Variants in LRP1B observed in about 807,000 individuals in gnomAD.
LRP1B encodes low-density lipoprotein receptor-related protein 1B.
In LRP1B, 217 loss-of-function variants were observed where a neutral mutation model predicts 556.6. That is an observed-to-expected ratio of 0.39 (90% confidence interval 0.35 to 0.44). The LOEUF is 0.44. Ranked by LOEUF, LRP1B falls within the 20% of genes least tolerant of loss-of-function variation. The pLI is 1.00. For synonymous variants in LRP1B, 2,047 were observed against 1,865.8 expected (o/e 1.10, Z -2.50); for missense variants, 5,053 against 5,620.8 (o/e 0.90, Z 3.23).
chr2:140,867,103 G>C (rs887601593), intron 27 of LRP1B, among the ~76,000 whole-genome samples: 2 of 152,028 alleles, frequency 1.3e-5, no homozygotes, highest in Non-Finnish European at 2.9e-5. Context: ...AATTAGGATA[G>C]GAACACTTGG....
intron 3 of LRP1B, among the ~76,000 whole-genome samples, chr2:141,309,597 A>G (rs1686732894): frequency 6.6e-6 from 1 of 152,188 alleles, no homozygotes; most frequent in African/African-American, 2.4e-5. Flanking sequence ...GACCTTAACT[A>G]TGAAAGATGA....
At chr2:141,431,678 A>G (rs1680567250) in intron 3 of LRP1B, among the ~76,000 whole-genome samples, 1 of 152,184 alleles carries the variant, frequency 6.6e-6, no homozygotes, top group South Asian at 2.1e-4. Flanking sequence ...TTTTTAGGAT[A>G]TATGTTTCTC....
intron 1 of LRP1B, among the ~76,000 whole-genome samples, chr2:142,065,631 G>A (rs573617216): frequency 6.6e-6 from 1 of 151,386 alleles, no homozygotes; most frequent in South Asian, 2.1e-4. Flanking sequence ...AATATTTAAA[G>A]TTTCCAAGAA....
At chr2:140,273,010 C>G (rs577595978) in intron 85 of LRP1B, among the ~76,000 whole-genome samples, 1 of 151,976 alleles carries the variant, frequency 6.6e-6, no homozygotes, top group Admixed American at 6.6e-5. Flanking sequence ...GTATAGCAAG[C>G]GATACTGAGG....
In LRP1B at chr2:140,680,638, T is replaced by A. The variant is rs568487456; in HGVS notation, c.6799+19612A>T. 3.3e-5 allele frequency among the ~76,000 whole-genome samples: 5 copies of A among 152,286 alleles called. No individual in the cohort carries two copies. The South Asian group carries it at 1.0e-3, about 32-fold the overall frequency. On this transcript the variant is annotated intron_variant, in intron 41 of 90. Transcript: ENST00000389484. ...CTAATTTTAGTAGAGCTTAAGAACA[T>A]TGCATCATCATGAGTGATGCACTTG...
At chr2:141,538,377 G>C (rs1438109608) in intron 2 of LRP1B, among the ~76,000 whole-genome samples, 1 of 152,002 alleles carries the variant, frequency 6.6e-6, no homozygotes, top group Non-Finnish European at 1.5e-5. Flanking sequence ...AGAATACGAT[G>C]GTAAAGTGCA....
intron 1 of LRP1B, among the ~76,000 whole-genome samples, chr2:141,893,114 C>T (rs1699340881): frequency 6.6e-6 from 1 of 152,018 alleles, no homozygotes; most frequent in South Asian, 2.1e-4. Context: ...TCTGTAATTC[C>T]TAGTTAGGAA....
intron 3 of LRP1B, among the ~76,000 whole-genome samples, chr2:141,335,696 C>G (rs182282214): frequency 2.6e-5 from 4 of 151,946 alleles, no homozygotes; most frequent in Non-Finnish European, 5.9e-5. Flanking sequence ...CTAGCACAGA[C>G]GAGAGGTATT....
chr2:140,535,470 G>C (rs896122621), intron 46 of LRP1B, among the ~76,000 whole-genome samples: 1 of 152,104 alleles, frequency 6.6e-6, no homozygotes, highest in African/African-American at 2.4e-5. Flanking sequence ...TAACGTAAAA[G>C]AGTGAGAAGA....
intron 18 of LRP1B, among the ~76,000 whole-genome samples, chr2:140,970,722 T>C (rs1696390398): frequency 1.0e-3 from 1 of 964 alleles, no homozygotes; most frequent in Non-Finnish European, 8.6e-3. Flanking sequence ...ACCTTTTTTT[T>C]TTTTTTTTTT....
intron 2 of LRP1B, among the ~76,000 whole-genome samples, chr2:141,563,704 C>T (rs961762665): frequency 6.6e-6 from 1 of 152,002 alleles, no homozygotes; most frequent in Non-Finnish European, 1.5e-5. Flanking sequence ...TAAGAAAGAA[C>T]GAGATCATGT....
chr2:141,559,018 T>C (rs1686053268), intron 2 of LRP1B, among the ~76,000 whole-genome samples: 1 of 151,600 alleles, frequency 6.6e-6, no homozygotes, highest in South Asian at 2.1e-4. Context: ...TATCTAGTAT[T>C]GGTTTTAAGA....
chr2:141,460,640 G>A (rs927555550), intron 3 of LRP1B, among the ~76,000 whole-genome samples: 1 of 152,078 alleles, frequency 6.6e-6, no homozygotes, highest in African/African-American at 2.4e-5. Context: ...ACAATATTTG[G>A]AATAAGAGAA....
At chr2:141,888,650 A>G (rs1035192516) in intron 1 of LRP1B, among the ~76,000 whole-genome samples, 32 of 152,212 alleles carry the variant, frequency 2.1e-4, no homozygotes, top group African/African-American at 7.7e-4. Flanking sequence ...GATGAAAAGC[A>G]TATTCAAGAA....
At chr2:141,549,077 T>C (rs1374963530) in intron 2 of LRP1B, among the ~76,000 whole-genome samples, 1 of 152,064 alleles carries the variant, frequency 6.6e-6, no homozygotes, top group Non-Finnish European at 1.5e-5. Flanking sequence ...CAATGGAAAA[T>C]TACGTTATAT....
intron 2 of LRP1B, among the ~76,000 whole-genome samples, chr2:141,775,796 T>TA (rs1695048545): frequency 1.3e-5 from 2 of 152,034 alleles, no homozygotes. Flanking sequence ...TAATATAGAA[T>TA]TGAGATACTG....
At chr2:141,499,558 C>A (rs7572480) in intron 2 of LRP1B, among the ~76,000 whole-genome samples, 149,337 of 152,080 alleles carry the variant, frequency 0.98, 73,375 homozygotes, top group East Asian at 1. Flanking sequence ...TCTTTATGTT[C>A]CTATAGAGAG....
At position 140,540,821 on chromosome 2, in the gene LRP1B, A is replaced by G; in HGVS notation, c.7513+152T>C. 6.1e-6 allele frequency: 5 copies of G among 823,622 alleles called. No individual in the cohort carries two copies. In the South Asian group the frequency reaches 9.6e-5, roughly 16 times the overall value. 51.0% of individuals were successfully genotyped at this position (823,622 alleles called of 1,614,324 possible). On this transcript the variant is annotated intron_variant, in intron 45 of 90. Coordinates refer to ENST00000389484, the MANE Select transcript of LRP1B (RefSeq NM_018557.3). ...GGTCCTATAACTAAGCAGAACAGTG[A>G]ACTCGGTTTTCTTTAGAGCAGAGAG...
At chr2:141,113,527 G>A (rs1297904563) in intron 7 of LRP1B, among the ~76,000 whole-genome samples, 1 of 151,952 alleles carries the variant, frequency 6.6e-6, no homozygotes, top group Non-Finnish European at 1.5e-5. Context: ...AGTTTTAATG[G>A]TCTAGCATTT....
Sources: gnomAD v4.1 joint callset for allele counts (sites outside exome capture counted in the v4.1 genomes callset) on GRCh38, gnomAD v4.1.1 for gene constraint, MANE v1.5 for transcripts, NCBI Gene and HGNC (gene_info 2026-07-23, HGNC 2026-07-21) for gene names.